The following CSMD1 variants were observed in gnomAD, a reference collection of about 807,000 sequenced individuals.
CSMD1 encodes the protein CUB and sushi domain-containing protein 1.
Under a neutral mutation model 417.5 loss-of-function variants are expected in CSMD1, and 213 were observed. The ratio of observed to expected loss-of-function variants is 0.51; its 90% CI spans 0.46 to 0.57. The LOEUF (loss-of-function observed/expected upper bound fraction) is 0.57. Ranked by LOEUF, CSMD1 falls within the 20% of genes least tolerant of loss-of-function variation. The probability of loss-of-function intolerance (pLI) is 0.00; values close to 1 mark genes in which losing one functional copy is unlikely to be tolerated. For missense variants in CSMD1, 6,923 were observed against 4,529.7 expected, an observed-to-expected ratio of 1.53 and a Z score of -15.17; for synonymous variants, 2,862 against 1,736.8, an observed-to-expected ratio of 1.65 and a Z score of -16.11.
chr8:3,845,144 G>A (rs1803413048), intron 5 of CSMD1, among the ~76,000 whole-genome samples: 1 of 152,300 alleles, frequency 6.6e-6, no homozygotes, highest in South Asian at 2.1e-4. Flanking sequence ...ACATTGAATT[G>A]AAGGCAGGAA....
chr8:4,196,106 G>A (rs1208919713), intron 3 of CSMD1, among the ~76,000 whole-genome samples: 1 of 152,132 alleles, frequency 6.6e-6, no homozygotes, highest in Non-Finnish European at 1.5e-5. Flanking sequence ...AGCTGCTGGG[G>A]AGACTGAGGC....
At chr8:4,218,735 T>C (rs1193441851) in intron 3 of CSMD1, among the ~76,000 whole-genome samples, 6 of 152,212 alleles carry the variant, frequency 3.9e-5, no homozygotes, top group South Asian at 2.1e-4. Flanking sequence ...CTGGTTTCAA[T>C]ACAAACCTGG....
intron 1 of CSMD1, among the ~76,000 whole-genome samples, chr8:4,705,529 C>A (rs965253869): frequency 6.6e-6 from 1 of 152,182 alleles, no homozygotes; most frequent in African/African-American, 2.4e-5. Context: ...GCCTTTATCT[C>A]TTTACCCCTA....
chr8:4,490,825 G>C (rs1336084776), intron 2 of CSMD1, among the ~76,000 whole-genome samples: 3 of 152,300 alleles, frequency 2.0e-5, no homozygotes, highest in South Asian at 2.1e-4. Flanking sequence ...CACAAATAAA[G>C]TCGGAAACAC....
intron 10 of CSMD1, among the ~76,000 whole-genome samples, chr8:3,563,034 G>A (rs1799537242): frequency 6.6e-6 from 1 of 151,932 alleles, no homozygotes; most frequent in Non-Finnish European, 1.5e-5. Context: ...CATTTAGAAT[G>A]CAATGCCATT....
intron 3 of CSMD1, among the ~76,000 whole-genome samples, chr8:4,336,483 G>A (rs190159878): frequency 9.2e-5 from 14 of 151,646 alleles, no homozygotes; most frequent in East Asian, 3.9e-4. Flanking sequence ...CTTCAGACAC[G>A]GAAACACAGA....
chr8:4,705,058 G>A (rs1422899281), intron 1 of CSMD1, among the ~76,000 whole-genome samples: 1 of 152,046 alleles, frequency 6.6e-6, no homozygotes, highest in Non-Finnish European at 1.5e-5. Context: ...CATGCTAGTG[G>A]GTGAGTTCTC....
chr8:3,037,193 A>C (rs769026104), intron 50 of CSMD1, among the ~76,000 whole-genome samples: 1 of 150,950 alleles, frequency 6.6e-6, no homozygotes, highest in Non-Finnish European at 1.5e-5. Context: ...CATAGTGCAT[A>C]TATACCACAC....
intron 5 of CSMD1, among the ~76,000 whole-genome samples, chr8:3,756,213 C>T (rs1218145567): frequency 1.3e-5 from 2 of 151,862 alleles, no homozygotes; most frequent in Non-Finnish European, 2.9e-5. Flanking sequence ...ATTAGCCGGG[C>T]ATGGTGGCGG....
intron 12 of CSMD1, among the ~76,000 whole-genome samples, chr8:3,432,235 A>G (rs944447922): frequency 2.6e-5 from 4 of 152,196 alleles, no homozygotes; most frequent in Non-Finnish European, 5.9e-5. Flanking sequence ...GGAAAAATAA[A>G]ACACCTTTTA....
Position 4,764,872 on chromosome 8 carries a change from CAAAAAAAA to C in CSMD1, c.86-127322_86-127315del, listed in dbSNP as rs1194894751. 3.9e-5 allele frequency among the ~76,000 whole-genome samples: 2 copies of C among 50,948 alleles called. 1 individual carries two copies. The highest frequency in any genetic ancestry group is 1.6e-4 in the African/African-American group (2 of 12,204). The allele number at this position is 50,948 out of a possible 152,430, so 33.4% of individuals were successfully genotyped here. ...TGGGCGACAGAGCGAGACTCCATCT[CAAAAAAAA>C]AAAAAAAAAAAAAACAACAACAACA... On this transcript the variant is annotated intron_variant, in intron 1 of 69. Coordinates refer to ENST00000635120, the MANE Select transcript of CSMD1 (RefSeq NM_033225.6).
At chr8:4,598,476 G>C (rs1800399410) in intron 2 of CSMD1, among the ~76,000 whole-genome samples, 1 of 152,190 alleles carries the variant, frequency 6.6e-6, no homozygotes, top group Non-Finnish European at 1.5e-5. Flanking sequence ...GATGGTGGCT[G>C]ATGGATGACC....
At chr8:4,761,663 C>T (rs1344378998) in intron 1 of CSMD1, among the ~76,000 whole-genome samples, 5 of 152,002 alleles carry the variant, frequency 3.3e-5, no homozygotes, top group Non-Finnish European at 7.4e-5. Context: ...TATAGACTAC[C>T]TTTATTAAAA....
intron 2 of CSMD1, among the ~76,000 whole-genome samples, chr8:4,593,741 G>C (rs1400636309): frequency 6.6e-6 from 1 of 152,034 alleles, no homozygotes; most frequent in Non-Finnish European, 1.5e-5. Context: ...ACAATTCCTA[G>C]CTATATGCAA....
chr8:3,052,682 T>C (rs747241770), intron 49 of CSMD1, 35 bp from the exon 50 acceptor site: 2 of 1,433,406 alleles, frequency 1.4e-6, no homozygotes, highest in Admixed American at 2.6e-5. Flanking sequence ...GGCTTATTCT[T>C]ACAGAAATTA....
chr8:3,207,280 G>A (rs1440808845), intron 30 of CSMD1, among the ~76,000 whole-genome samples: 2 of 146,116 alleles, frequency 1.4e-5, no homozygotes, highest in South Asian at 2.2e-4. Context: ...CCGAGTAGCT[G>A]CAATTACTCG....
At chr8:3,040,750 T>G (rs1168817492) in intron 50 of CSMD1, among the ~76,000 whole-genome samples, 2 of 151,892 alleles carry the variant, frequency 1.3e-5, no homozygotes, top group South Asian at 4.2e-4. Context: ...TTAGAGCGAG[T>G]TGAGATCGTG....
intron 3 of CSMD1, among the ~76,000 whole-genome samples, chr8:4,170,363 A>G (rs899020872): frequency 2.0e-5 from 3 of 151,914 alleles, no homozygotes; most frequent in Non-Finnish European, 4.4e-5. Flanking sequence ...ATATTCGGAT[A>G]ATTTATGAAA....
chr8:3,029,907 C>A (rs1014730286), intron 50 of CSMD1, among the ~76,000 whole-genome samples: 1 of 151,992 alleles, frequency 6.6e-6, no homozygotes, highest in Non-Finnish European at 1.5e-5. Context: ...TGTGTAATTG[C>A]AAACCAGCTG....
Sources: gnomAD v4.1 joint callset for allele counts (sites outside exome capture counted in the v4.1 genomes callset) on GRCh38, gnomAD v4.1.1 for gene constraint, MANE v1.5 for transcripts, NCBI Gene and HGNC (gene_info 2026-07-23, HGNC 2026-07-21) for gene names.